EPHA7: variants seen among roughly 807,000 people sequenced by gnomAD.
EPHA7 encodes ephrin type-A receptor 7.
EPHA7 carries 25 observed loss-of-function variants against 112.6 expected under a neutral mutation model. The observed-to-expected ratio is 0.22, with a 90% CI of 0.16 to 0.31. EPHA7 has a LOEUF of 0.31. EPHA7 is among the 10% of genes least tolerant of loss of function. The probability of loss-of-function intolerance (pLI) is 1.00; values close to 1 mark genes in which losing one functional copy is unlikely to be tolerated. For missense variants in EPHA7, 962 were observed against 1,212.6 expected, an observed-to-expected ratio of 0.79 and a Z score of 3.07; for synonymous variants, 437 against 406.5, an observed-to-expected ratio of 1.07 and a Z score of -0.90.
intron 14 of EPHA7, among the ~76,000 whole-genome samples, chr6:93,251,485 T>TA (rs1562043790): frequency 6.8e-6 from 1 of 147,878 alleles, no homozygotes; most frequent in Admixed American, 6.9e-5. Context: ...GTTATTTTTT[T>TA]AAAAATACTT....
At chr6:93,372,723 TTC>T (rs772178016) in intron 3 of EPHA7, among the ~76,000 whole-genome samples, 24 of 152,092 alleles carry the variant, frequency 1.6e-4, no homozygotes, top group East Asian at 3.9e-4. Context: ...TTAAATAGTT[TTC>T]TGTTTGTTGA....
intron 11 of EPHA7, 92 bp from the exon 12 acceptor site, chr6:93,257,615 T>C: frequency 1.2e-6 from 1 of 802,612 alleles, no homozygotes; most frequent in Non-Finnish European, 2.0e-6. Flanking sequence ...TGGTGTTCTT[T>C]TGAAAGAGTG....
intron 5 of EPHA7, among the ~76,000 whole-genome samples, chr6:93,320,182 T>C (rs1389503013): frequency 2.6e-5 from 4 of 152,026 alleles, no homozygotes; most frequent in African/African-American, 9.7e-5. Context: ...TGTGAAACTG[T>C]AGAAATTGTA....
intron 5 of EPHA7, among the ~76,000 whole-genome samples, chr6:93,291,576 G>T (rs1017660678): frequency 6.6e-5 from 10 of 150,530 alleles, no homozygotes; most frequent in Non-Finnish European, 1.5e-4. Flanking sequence ...AGACCATCCC[G>T]GCTAAAACGG....
At chr6:93,382,852 G>T (rs1215018748) in intron 3 of EPHA7, among the ~76,000 whole-genome samples, 3 of 152,044 alleles carry the variant, frequency 2.0e-5, no homozygotes, top group African/African-American at 7.2e-5. Flanking sequence ...TTTTCAAAAG[G>T]TATCACTACC....
chr6:93,258,096 T>C lies in EPHA7; in HGVS notation c.2110+3A>G, dbSNP rs780356572. ...ATAAAATAAAGATATAACCAATATCTACCTCTTGTAACAACCCCTTCCAAA... is the reference window on the plus strand; with the variant it reads ...ATAAAATAAAGATATAACCAATATCCACCTCTTGTAACAACCCCTTCCAAA... On this transcript the variant is annotated splice_donor_region_variant and intron_variant, in intron 11 of 16. Transcript: ENST00000369303. The C allele has an allele frequency of 6.2e-7, 1 of 1,611,896 alleles. No homozygotes were observed. The highest frequency in any genetic ancestry group is 1.1e-5 in the South Asian group (1 of 90,872).
Position 93,259,349 on chromosome 6 carries a change from C to A in EPHA7, c.1924+5G>T. 6.2e-7 allele frequency: 1 copy of A among 1,611,164 alleles called. No homozygotes were observed. Among genetic ancestry groups the A allele is most frequent in the Non-Finnish European group, 8.5e-7 (1 of 1,177,894 alleles). Reference sequence around the variant, plus strand: ...AGCTGAACGAGGAAGCTACAATAGCCTTACCTGCACCAATCACACGCTCAA... The same window carrying A: ...AGCTGAACGAGGAAGCTACAATAGCATTACCTGCACCAATCACACGCTCAA... On this transcript the variant is annotated splice_donor_5th_base_variant and intron_variant, in intron 10 of 16. Transcript: ENST00000369303.
At chr6:93,243,691 G>C in intron 16 of EPHA7, 151 bp from the exon 17 acceptor site, 1 of 576,674 alleles carries the variant, frequency 1.7e-6, no homozygotes, top group Non-Finnish European at 3.1e-6. Flanking sequence ...CCCTGCAGCA[G>C]ATCAGAATTG....
At chr6:93,302,811 C>T (rs755911514) in intron 5 of EPHA7, among the ~76,000 whole-genome samples, 4 of 139,232 alleles carry the variant, frequency 2.9e-5, no homozygotes, top group Non-Finnish European at 4.7e-5. Context: ...CATGGAGGGA[C>T]CTGGAGTCAT....
chr6:93,385,238 G>A (rs907648151), intron 3 of EPHA7, among the ~76,000 whole-genome samples: 2 of 152,038 alleles, frequency 1.3e-5, no homozygotes, highest in Non-Finnish European at 2.9e-5. Context: ...ATTAGTAACA[G>A]CAATAGCTCA....
At chr6:93,419,201 T>C (rs767559529) in intron 1 of EPHA7, 44 bp downstream of exon 1, 2 of 1,544,394 alleles carry the variant, frequency 1.3e-6, no homozygotes, top group South Asian at 2.3e-5. Context: ...GGTAGACATC[T>C]AAATAAATAA....
chr6:93,333,516 T>C (rs1774707119), intron 5 of EPHA7, among the ~76,000 whole-genome samples: 1 of 151,862 alleles, frequency 6.6e-6, no homozygotes, highest in Non-Finnish European at 1.5e-5. Context: ...AGTGTATAAG[T>C]TTTTCTCCAA....
At chr6:93,414,504 T>G (rs1779128972) in intron 2 of EPHA7, among the ~76,000 whole-genome samples, 199 bp downstream of exon 2, 1 of 151,952 alleles carries the variant, frequency 6.6e-6, no homozygotes, top group Non-Finnish European at 1.5e-5. Flanking sequence ...GAGGTTTTTT[T>G]TCCATTTCCC....
At chr6:93,350,147 A>T (rs1440880171) in intron 5 of EPHA7, among the ~76,000 whole-genome samples, 1 of 152,020 alleles carries the variant, frequency 6.6e-6, no homozygotes, top group Admixed American at 6.6e-5. Flanking sequence ...TTTCTTGAAG[A>T]AAGATAATAA....
At chr6:93,384,242 T>A (rs961236838) in intron 3 of EPHA7, among the ~76,000 whole-genome samples, 1 of 151,968 alleles carries the variant, frequency 6.6e-6, no homozygotes, top group Non-Finnish European at 1.5e-5. Flanking sequence ...CCCTAACACA[T>A]CCCCCTCCCT....
At chr6:93,252,682 G>C (rs989731293) in intron 14 of EPHA7, among the ~76,000 whole-genome samples, 14 of 151,816 alleles carry the variant, frequency 9.2e-5, no homozygotes, top group African/African-American at 3.4e-4. Context: ...ATAAAATAAT[G>C]AATATTATCT....
intron 5 of EPHA7, among the ~76,000 whole-genome samples, chr6:93,302,272 C>T (rs907334976): frequency 6.6e-6 from 1 of 152,150 alleles, no homozygotes; most frequent in Admixed American, 6.5e-5. Flanking sequence ...AGCTCACTGA[C>T]ATTTTTACTG....
intron 3 of EPHA7, among the ~76,000 whole-genome samples, chr6:93,382,915 A>G (rs1777411807): frequency 6.6e-6 from 1 of 152,128 alleles, no homozygotes; most frequent in Non-Finnish European, 1.5e-5. Context: ...AAACTACTTG[A>G]CTTTCTGAAT....
intron 5 of EPHA7, among the ~76,000 whole-genome samples, chr6:93,330,512 T>A (rs1319436235): frequency 6.6e-6 from 1 of 151,296 alleles, no homozygotes; most frequent in Non-Finnish European, 1.5e-5. Context: ...AGCCCTTACA[T>A]ATAAGTGAGA....
Sources: gnomAD v4.1 joint callset for allele counts (sites outside exome capture counted in the v4.1 genomes callset) on GRCh38, gnomAD v4.1.1 for gene constraint, MANE v1.5 for transcripts, NCBI Gene and HGNC (gene_info 2026-07-23, HGNC 2026-07-21) for gene names.